The following METTL25 variants were observed in gnomAD, a reference collection of about 807,000 sequenced individuals.
METTL25 encodes methyltransferase like 25.
METTL25 carries 64 observed loss-of-function variants against 71.6 expected under a neutral mutation model. The ratio of observed to expected loss-of-function variants is 0.89; its 90% CI spans 0.73 to 1.10. The LOEUF is 1.10. Ranked by LOEUF, METTL25 falls within the 50% of genes least tolerant of loss-of-function variation. METTL25 has a pLI of 0.00. For synonymous variants in METTL25, 287 were observed against 250.3 expected, an observed-to-expected ratio of 1.15 and a Z score of -1.38; for missense variants, 807 against 707.0, an observed-to-expected ratio of 1.14 and a Z score of -1.60.
chr12:82,448,939 T>A (rs1205882975), intron 8 of METTL25, among the ~76,000 whole-genome samples: 1 of 152,214 alleles, frequency 6.6e-6, no homozygotes, highest in Non-Finnish European at 1.5e-5. Context: ...TGGTACAATC[T>A]GTCCTGCATG....
chr12:82,462,847 A>C (rs1022709933), intron 9 of METTL25, among the ~76,000 whole-genome samples: 4 of 152,082 alleles, frequency 2.6e-5, no homozygotes, highest in Non-Finnish European at 5.9e-5. Context: ...ATCCTCCTGT[A>C]TACTTTAGAT....
chr12:82,478,874 C>T (rs1314035859), intron 11 of METTL25, 58 bp from the exon 12 acceptor site: 30 of 1,299,354 alleles, frequency 2.3e-5, no homozygotes, highest in Non-Finnish European at 2.2e-5. Context: ...ATCCAACTCG[C>T]GTCTAATTTT....
chr12:82,442,991 A>G (rs979294637), intron 8 of METTL25, among the ~76,000 whole-genome samples: 4 of 151,836 alleles, frequency 2.6e-5, no homozygotes, highest in Non-Finnish European at 4.4e-5. Flanking sequence ...GAAAATATCT[A>G]CAATGAGGGA....
chr12:82,380,883 A>G (rs1260542669), intron 1 of METTL25, among the ~76,000 whole-genome samples: 1 of 152,232 alleles, frequency 6.6e-6, no homozygotes, highest in East Asian at 1.9e-4. Context: ...CGAAATGGTA[A>G]CATTTGAGCA....
intron 8 of METTL25, among the ~76,000 whole-genome samples, chr12:82,445,629 C>A (rs1392684587): frequency 6.6e-6 from 1 of 152,078 alleles, no homozygotes; most frequent in Non-Finnish European, 1.5e-5. Flanking sequence ...AATAACAATA[C>A]CATGATATCC....
At chr12:82,444,589 T>A (rs1890608296) in intron 8 of METTL25, among the ~76,000 whole-genome samples, 1 of 152,030 alleles carries the variant, frequency 6.6e-6, no homozygotes, top group African/African-American at 2.4e-5. Context: ...AAAATAATAA[T>A]CATAACATTT....
chr12:82,468,610 T>G (rs1336916974), intron 9 of METTL25: 1 of 152,256 alleles, frequency 6.6e-6, no homozygotes, highest in Non-Finnish European at 1.5e-5. Flanking sequence ...GGCTGAAGGA[T>G]GTGCCCTATA....
At position 82,479,181 on chromosome 12, in the gene METTL25, A is replaced by G; in HGVS notation, c.*157A>G. ...GGCTAACAACAGAAGGTTATAATCC[A>G]TTTTTCCATTGTCAAAGCATACATT... On this transcript the variant is annotated 3_prime_UTR_variant, in exon 12 of 12. Coordinates refer to ENST00000248306, the MANE Select transcript of METTL25 (RefSeq NM_032230.3). 1 of 536,096 alleles carries G rather than the reference A, an allele frequency of 1.9e-6. No individual in the cohort carries two copies. The highest frequency in any genetic ancestry group is 4.0e-4 in the Middle Eastern group (1 of 2,488). 33.2% of individuals were successfully genotyped at this position (536,096 alleles called of 1,614,324 possible).
intron 1 of METTL25, among the ~76,000 whole-genome samples, chr12:82,361,059 A>C (rs1268730706): frequency 6.6e-6 from 1 of 151,940 alleles, no homozygotes; most frequent in African/African-American, 2.4e-5. Context: ...TGCTGGCGCC[A>C]GCAGTCTGCT....
intron 8 of METTL25, chr12:82,451,339 T>G: frequency 2.1e-5 from 16 of 774,852 alleles, no homozygotes; most frequent in Non-Finnish European, 2.4e-5. Context: ...ACAGGAGCTC[T>G]ACTGCCTGGT....
In METTL25 at chr12:82,477,339, A is replaced by C. The variant is rs574493780; in HGVS notation, c.1706A>C (p.Tyr569Ser). 4.2e-5 allele frequency: 65 copies of C among 1,551,832 alleles called. No homozygotes were observed. The South Asian group carries it at 7.2e-4, about 17-fold the overall frequency. ...TTGATTCTTCTGGATCGACTTTGTT[A>C]CCTGAAAGAGCAGGTAAATTATGTT... ...ETLILLDRLC[Y>S]LKEQEDIAWS... The change falls in exon 11 of 12, where the codon TAC becomes TCC. Residue 569 changes from tyrosine (Y) to serine (S), a missense_variant. Tyr to Ser is a moderately radical substitution (Grantham distance 144, BLOSUM62 -2). Transcript: ENST00000248306.
chr12:82,475,556 A>G (rs1892835888), intron 9 of METTL25, among the ~76,000 whole-genome samples: 1 of 152,066 alleles, frequency 6.6e-6, no homozygotes, highest in African/African-American at 2.4e-5. Flanking sequence ...AAACATTTGC[A>G]GATAAATCTG....
At chr12:82,471,178 C>T (rs1278254300) in intron 9 of METTL25, among the ~76,000 whole-genome samples, 2 of 152,138 alleles carry the variant, frequency 1.3e-5, no homozygotes, top group African/African-American at 2.4e-5. Flanking sequence ...ACAGTGTTTT[C>T]TTAAATTGAT....
In METTL25 at chr12:82,448,936, A is replaced by G. The variant is rs115391143; in HGVS notation, c.1479-7791A>G. On this transcript the variant is annotated intron_variant, in intron 8 of 11. Coordinates refer to ENST00000248306, the MANE Select transcript of METTL25 (RefSeq NM_032230.3). ...TATGGAGAAACTGAATTTTGGTACA[A>G]TCTGTCCTGCATGTGTTTGCTTTCA... Among the ~76,000 whole-genome samples, 391 of 152,270 alleles carry G rather than the reference A, an allele frequency of 2.6e-3. 3 individuals carry two copies. The highest frequency in any genetic ancestry group is 8.7e-3 in the African/African-American group (361 of 41,564).
At chr12:82,384,068 A>G (rs556654433) in intron 1 of METTL25, among the ~76,000 whole-genome samples, 45 of 152,312 alleles carry the variant, frequency 3.0e-4, no homozygotes, top group African/African-American at 1.1e-3. Context: ...TAAGTAAAGC[A>G]TGTATAAAGC....
chr12:82,359,554 C>T (rs188408664), intron 1 of METTL25, among the ~76,000 whole-genome samples: 7 of 152,324 alleles, frequency 4.6e-5, no homozygotes, highest in Non-Finnish European at 7.4e-5. Context: ...AGGGCAAAAG[C>T]TGAAGCTGAG....
intron 5 of METTL25, among the ~76,000 whole-genome samples, chr12:82,428,780 C>T (rs1039970395): frequency 6.6e-6 from 1 of 151,612 alleles, no homozygotes; most frequent in African/African-American, 2.4e-5. Flanking sequence ...TGCTCAGTTT[C>T]CCTATCTGGA....
rs1240926597 is a variant in METTL25, at chr12:82,394,633, A to G, written c.532-4162A>G. On this transcript the variant is annotated intron_variant, in intron 3 of 11. Coordinates refer to ENST00000248306, the MANE Select transcript of METTL25 (RefSeq NM_032230.3). ...CATCAGTGAACAAAACAAACAAGAA[A>G]TATTTTTGCCCTAGTGGCATTTATG... Among the ~76,000 whole-genome samples, 11 of 152,028 alleles carry G rather than the reference A, an allele frequency of 7.2e-5. No individual in the cohort carries two copies. In the Admixed American group the frequency reaches 7.2e-4, roughly 10 times the overall value.
intron 9 of METTL25, among the ~76,000 whole-genome samples, chr12:82,472,113 A>G (rs1009462380): frequency 1.5e-4 from 23 of 152,150 alleles, no homozygotes; most frequent in African/African-American, 5.1e-4. Flanking sequence ...CATTGGTGTA[A>G]TTAAGACTGT....
Sources: gnomAD v4.1 joint callset for allele counts (sites outside exome capture counted in the v4.1 genomes callset) on GRCh38, gnomAD v4.1.1 for gene constraint, MANE v1.5 for transcripts, NCBI Gene and HGNC (gene_info 2026-07-23, HGNC 2026-07-21) for gene names.